Variants in SH2D4B observed in about 807,000 individuals in gnomAD.
SH2D4B encodes SH2 domain containing 4B.
Under a neutral mutation model 61.5 loss-of-function variants are expected in SH2D4B, and 45 were observed. That is an observed-to-expected ratio of 0.73 (90% CI 0.58 to 0.94). SH2D4B has a LOEUF of 0.94. Among genes scored for constraint, SH2D4B ranks in the 40% least tolerant of loss-of-function variants. SH2D4B has a pLI of 0.00. For synonymous variants in SH2D4B, 224 were observed against 220.4 expected, an observed-to-expected ratio of 1.02 and a Z score of -0.14; for missense variants, 572 against 574.2, an observed-to-expected ratio of 1.00 and a Z score of 0.04.
At chr10:80,626,891 G>A (rs115833939) in intron 6 of SH2D4B, among the ~76,000 whole-genome samples, 206 of 152,334 alleles carry the variant, frequency 1.4e-3, no homozygotes, top group African/African-American at 4.3e-3. Context: ...GTTCAGATCT[G>A]CCTCCACCAC....
intron 1 of SH2D4B, among the ~76,000 whole-genome samples, chr10:80,551,876 A>G (rs1032631235): frequency 2.0e-5 from 3 of 152,124 alleles, no homozygotes; most frequent in African/African-American, 7.2e-5. Flanking sequence ...AACAACAAAC[A>G]TTTCTCACAG....
At chr10:80,540,809 G>A (rs1841567581) in intron 1 of SH2D4B, 8 of 1,548,650 alleles carry the variant, frequency 5.2e-6, no homozygotes, top group East Asian at 2.4e-5. Flanking sequence ...CCAAGGGTGA[G>A]GCTTGGTTCA....
intron 3 of SH2D4B, among the ~76,000 whole-genome samples, chr10:80,579,825 T>C (rs1842169067): frequency 6.6e-6 from 1 of 152,190 alleles, no homozygotes; most frequent in South Asian, 2.1e-4. Flanking sequence ...TACTTCTCAA[T>C]TTTCTCTTGA....
intron 1 of SH2D4B, among the ~76,000 whole-genome samples, chr10:80,555,664 A>G (rs1841824603): frequency 6.6e-6 from 1 of 152,124 alleles, no homozygotes; most frequent in Admixed American, 6.5e-5. Context: ...AATTGCTAAT[A>G]TCTCTGCTGT....
chr10:80,632,288 A>G (rs1228663336), intron 6 of SH2D4B, among the ~76,000 whole-genome samples: 1 of 152,132 alleles, frequency 6.6e-6, no homozygotes, highest in African/African-American at 2.4e-5. Context: ...TCTTACCACA[A>G]AAAATATGTG....
chr10:80,568,547 T>G (rs1015869256), intron 1 of SH2D4B, among the ~76,000 whole-genome samples: 1 of 152,146 alleles, frequency 6.6e-6, no homozygotes, highest in African/African-American at 2.4e-5. Context: ...ACGGAGCACA[T>G]CCTCATGGTC....
At chr10:80,618,072 G>A (rs141634674) in intron 6 of SH2D4B, among the ~76,000 whole-genome samples, 61 of 152,328 alleles carry the variant, frequency 4.0e-4, no homozygotes, top group Non-Finnish European at 5.7e-4. Context: ...AGTACGTGGC[G>A]TCCCAAAAGG....
At chr10:80,572,963 TATATATATATATATATATATATA>T (rs1186078094) in intron 3 of SH2D4B, among the ~76,000 whole-genome samples, 1,092 of 9,450 alleles carry the variant, frequency 0.12, 35 homozygotes, top group African/African-American at 0.16. Context: ...TATATATATA[TATATATATATATATATATATATA>T]TTTTTTTTTT....
intron 1 of SH2D4B, among the ~76,000 whole-genome samples, chr10:80,559,796 T>A (rs184246786): frequency 6.7e-6 from 1 of 148,834 alleles, no homozygotes; most frequent in East Asian, 2.0e-4. Context: ...CACCACCACG[T>A]CTGGCTAATT....
intron 1 of SH2D4B, among the ~76,000 whole-genome samples, chr10:80,549,203 T>TGTGTG (rs59438371): frequency 0.061 from 7,368 of 120,180 alleles, 355 homozygotes; most frequent in East Asian, 0.11. Context: ...TGGGACTTGA[T>TGTGTG]TGTGTGTGTG....
intron 6 of SH2D4B, among the ~76,000 whole-genome samples, chr10:80,618,067 G>A (rs964105504): frequency 1.3e-5 from 2 of 152,212 alleles, no homozygotes; most frequent in African/African-American, 2.4e-5. Context: ...CTGAGAGTAC[G>A]TGGCGTCCCA....
chr10:80,547,752 T>C (rs1841701855), intron 1 of SH2D4B, among the ~76,000 whole-genome samples: 1 of 152,080 alleles, frequency 6.6e-6, no homozygotes, highest in African/African-American at 2.4e-5. Context: ...GAAAATGAGG[T>C]GTCTAGGGGT....
rs764041261 is a variant in SH2D4B, at chr10:80,644,012, C to T, written c.1229C>T (p.Ser410Leu). ...TTTTAGGAGGAAATTATCACTGTTT[C>T]AGGAGGAGAGTTACTTCAGGAACCC... ...DFHKEEIITV[S>L]GGELLQEPCG... Residue 410 changes from serine (S) to leucine (L), a missense_variant, in exon 8 of 8, where the codon TCA becomes TTA. Physicochemically the swap from Ser to Leu is moderately radical, Grantham distance 145. Coordinates refer to ENST00000646907, the MANE Select transcript of SH2D4B (RefSeq NM_001388272.1). 138 of 1,613,410 alleles carry T rather than the reference C, an allele frequency of 8.6e-5. No individual in the cohort carries two copies. The highest frequency in any genetic ancestry group is 1.1e-4 in the Non-Finnish European group (124 of 1,179,780).
At chr10:80,554,037 T>C (rs1246053406) in intron 1 of SH2D4B, among the ~76,000 whole-genome samples, 1 of 152,252 alleles carries the variant, frequency 6.6e-6, no homozygotes, top group Non-Finnish European at 1.5e-5. Flanking sequence ...ATGGTCCCAG[T>C]GAAGCAAAGT....
chr10:80,581,059 A>G (rs905712916), intron 3 of SH2D4B, among the ~76,000 whole-genome samples: 2 of 152,240 alleles, frequency 1.3e-5, no homozygotes, highest in Non-Finnish European at 2.9e-5. Context: ...CAGTAGTTGC[A>G]AAATGTTTTC....
chr10:80,570,375 A>G (rs1842026781), intron 2 of SH2D4B, 59 bp downstream of exon 2: 1 of 1,570,494 alleles, frequency 6.4e-7, no homozygotes, highest in East Asian at 2.3e-5. Context: ...GCTTAGCCCC[A>G]CGCACGGCTA....
chr10:80,542,714 T>C (rs1841598477), intron 1 of SH2D4B, among the ~76,000 whole-genome samples: 1 of 152,092 alleles, frequency 6.6e-6, no homozygotes, highest in Non-Finnish European at 1.5e-5. Flanking sequence ...TTTATCTTGA[T>C]TGACAGTTTC....
At chr10:80,551,865 AAAC>A (rs1841765821) in intron 1 of SH2D4B, among the ~76,000 whole-genome samples, 1 of 152,234 alleles carries the variant, frequency 6.6e-6, no homozygotes, top group Non-Finnish European at 1.5e-5. Context: ...TGAGTAGTTT[AAAC>A]AACAAACATT....
intron 7 of SH2D4B, among the ~76,000 whole-genome samples, chr10:80,636,790 T>G (rs185994417): frequency 6.6e-6 from 1 of 152,354 alleles, no homozygotes; most frequent in African/African-American, 2.4e-5. Context: ...GCTCTTTAGT[T>G]CGATAGATCC....
Sources: allele counts gnomAD v4.1 joint callset (sites outside exome capture counted in the v4.1 genomes callset), GRCh38; gene constraint gnomAD v4.1.1; transcripts MANE v1.5; gene names NCBI Gene and HGNC (gene_info 2026-07-23, HGNC 2026-07-21).